The following RPA1 variants were observed in gnomAD, a reference collection of about 807,000 sequenced individuals.
RPA1 encodes replication protein A1.
Under a neutral mutation model 83.0 loss-of-function variants are expected in RPA1, and 49 were observed. The observed-to-expected ratio is 0.59, with a 90% CI of 0.47 to 0.75. The LOEUF is 0.75. Among genes scored for constraint, RPA1 ranks in the 30% least tolerant of loss-of-function variants. The pLI is 0.00. For synonymous variants in RPA1, 279 were observed against 281.8 expected, an observed-to-expected ratio of 0.99 and a Z score of 0.10; for missense variants, 693 against 776.1, an observed-to-expected ratio of 0.89 and a Z score of 1.27.
chr17:1,869,960 A>G (rs1356490813), intron 5 of RPA1, among the ~76,000 whole-genome samples: 1 of 152,130 alleles, frequency 6.6e-6, no homozygotes, highest in Non-Finnish European at 1.5e-5. Flanking sequence ...TAATTACCAG[A>G]TCTCACAACT....
At chr17:1,848,195 A>C (rs1445784123) in intron 4 of RPA1, among the ~76,000 whole-genome samples, 1 of 152,170 alleles carries the variant, frequency 6.6e-6, no homozygotes, top group Non-Finnish European at 1.5e-5. Flanking sequence ...AACCCATAGG[A>C]TTATCCACTC....
chr17:1,879,114 G>T, intron 9 of RPA1, 53 bp downstream of exon 9: 2 of 1,612,596 alleles, frequency 1.2e-6, no homozygotes, highest in South Asian at 1.1e-5. Flanking sequence ...GAGTGCGGAT[G>T]AAAAGACGCT....
chr17:1,877,825 C>G (rs1413791383), intron 8 of RPA1, among the ~76,000 whole-genome samples: 2 of 152,148 alleles, frequency 1.3e-5, no homozygotes, highest in East Asian at 3.8e-4. Flanking sequence ...TGTGCAGATT[C>G]TCTATTTGCT....
At chr17:1,870,915 A>G (rs1913354790) in intron 5 of RPA1, among the ~76,000 whole-genome samples, 1 of 152,192 alleles carries the variant, frequency 6.6e-6, no homozygotes, top group African/African-American at 2.4e-5. Flanking sequence ...TTGAATGTTT[A>G]CATCTTTATT....
Position 1,853,193 on chromosome 17 carries a change from A to G in RPA1, c.361+4A>G. The G allele has an allele frequency of 1.9e-6, 3 of 1,612,470 alleles. No individual in the cohort carries two copies. The highest frequency in any genetic ancestry group is 2.5e-6 in the Non-Finnish European group (3 of 1,178,488). ...AATCCAGTGCCCTATAATGAAGGTAAAATGCTTTGGCGTAGGTTGTAGCAC... is the reference window on the plus strand; with the variant it reads ...AATCCAGTGCCCTATAATGAAGGTAGAATGCTTTGGCGTAGGTTGTAGCAC... On this transcript the variant is annotated splice_donor_region_variant and intron_variant, in intron 5 of 16. Transcript: ENST00000254719.
chr17:1,873,799 C>G (rs1479513975), intron 6 of RPA1, among the ~76,000 whole-genome samples: 1 of 151,260 alleles, frequency 6.6e-6, no homozygotes, highest in Non-Finnish European at 1.5e-5. Flanking sequence ...GACTAGCTAG[C>G]CTGGCCAACA....
In RPA1 at chr17:1,897,691, G is replaced by A. The variant is rs1384082599; in HGVS notation, c.*516G>A. The A allele has an allele frequency of 6.3e-6, 1 of 158,766 alleles. No homozygotes were observed. The highest frequency in any genetic ancestry group is 1.4e-5 in the Non-Finnish European group (1 of 71,170). 9.8% of individuals were successfully genotyped at this position (158,766 alleles called of 1,614,324 possible). A position where few individuals can be genotyped will look rare whatever the true frequency, so the allele number is the denominator to read the frequency against. ...TCTTTCTAGAGGTGCTACATAGTTG[G>A]TAATGCTTGGAATGGCAATAGGGTA... is the stretch of plus-strand genomic sequence containing the variant. On this transcript the variant is annotated 3_prime_UTR_variant, in exon 17 of 17. Transcript: ENST00000254719.
intron 5 of RPA1, among the ~76,000 whole-genome samples, chr17:1,861,263 GC>G (rs936301452): frequency 2.6e-5 from 4 of 152,118 alleles, no homozygotes; most frequent in African/African-American, 9.7e-5. Context: ...CAGACTCTCG[GC>G]CCCCATTTCT....
At chr17:1,882,523 C>T (rs1877010678) in intron 12 of RPA1, among the ~76,000 whole-genome samples, 1 of 151,880 alleles carries the variant, frequency 6.6e-6, no homozygotes, top group Non-Finnish European at 1.5e-5. Context: ...GGCCTGTAGT[C>T]CCAGCTACTC....
intron 1 of RPA1, among the ~76,000 whole-genome samples, chr17:1,840,949 C>A (rs1259814840): frequency 6.6e-6 from 1 of 151,958 alleles, no homozygotes; most frequent in Non-Finnish European, 1.5e-5. Context: ...TGCCTGTAAC[C>A]CCAGCTACGC....
intron 5 of RPA1, chr17:1,858,280 A>G: frequency 6.2e-7 from 1 of 1,611,880 alleles, no homozygotes; most frequent in Non-Finnish European, 8.5e-7. Flanking sequence ...AGGGAGTAAC[A>G]CGGCCGACAT....
chr17:1,831,025 C>G (rs1911546448), intron 1 of RPA1, among the ~76,000 whole-genome samples: 1 of 152,138 alleles, frequency 6.6e-6, no homozygotes, highest in Non-Finnish European at 1.5e-5. Context: ...CTCGGCCTCC[C>G]AAAATGCTGG....
intron 5 of RPA1, among the ~76,000 whole-genome samples, chr17:1,856,321 G>A (rs1273812497): frequency 7.5e-6 from 1 of 133,566 alleles, no homozygotes; most frequent in East Asian, 2.2e-4. Context: ...AAAATGCCAG[G>A]TGCTGTGGCT....
At chr17:1,856,923 T>C (rs1042337523) in intron 5 of RPA1, among the ~76,000 whole-genome samples, 10 of 152,136 alleles carry the variant, frequency 6.6e-5, no homozygotes, top group African/African-American at 2.4e-4. Context: ...CTTTTGGTTT[T>C]ATTGATTTTC....
intron 5 of RPA1, among the ~76,000 whole-genome samples, chr17:1,862,972 C>CCT (rs1191988747): frequency 1.9e-4 from 29 of 151,944 alleles, no homozygotes; most frequent in Admixed American, 1.8e-3. Flanking sequence ...CCTGCCTCAG[C>CCT]CTCCCAAAGT....
intron 5 of RPA1, among the ~76,000 whole-genome samples, chr17:1,860,939 G>T (rs1423000729): frequency 6.6e-5 from 10 of 152,170 alleles, no homozygotes; most frequent in African/African-American, 1.7e-4. Context: ...GCTGCATTTA[G>T]TCTAGGTGTA....
At chr17:1,872,761 G>A (rs1913427801) in intron 6 of RPA1, among the ~76,000 whole-genome samples, 1 of 141,820 alleles carries the variant, frequency 7.1e-6, no homozygotes, top group Non-Finnish European at 1.5e-5. Flanking sequence ...CAGCGGGGCT[G>A]GAGTGCAGTG....
chr17:1,891,831 A>G lies in RPA1; in HGVS notation c.1552-2A>G, dbSNP rs1914214607. 3 of 1,561,748 alleles carry G rather than the reference A, an allele frequency of 1.9e-6. No homozygotes were observed. The highest frequency in any genetic ancestry group is 2.6e-6 in the Non-Finnish European group (3 of 1,139,172). On this transcript the variant is annotated splice_acceptor_variant, in intron 14 of 16. Transcript: ENST00000254719. LOFTEE classifies it high-confidence loss of function. ...GAAATAATGTAGAATTGTGTTTTTTAGGTAAATATTGCAGATTTTCAAGAG... is the reference window on the plus strand; with the variant it reads ...GAAATAATGTAGAATTGTGTTTTTTGGGTAAATATTGCAGATTTTCAAGAG...
In RPA1 at chr17:1,853,007, C is replaced by G; in HGVS notation, c.273-94C>G. ...AACAGATGACAAATGGAAAATAGTT[C>G]ATCACAATGATCATCGGGGAAAGCA... On this transcript the variant is annotated intron_variant, in intron 4 of 16. Transcript: ENST00000254719. 4 of 902,818 alleles carry G rather than the reference C, an allele frequency of 4.4e-6. No individual in the cohort carries two copies. The Admixed American group carries it at 7.6e-5, about 17-fold the overall frequency. The allele number at this position is 902,818 out of a possible 1,614,324, so 55.9% of individuals were successfully genotyped here. A position where few individuals can be genotyped will look rare whatever the true frequency, so the allele number is the denominator to read the frequency against.
Sources: allele counts gnomAD v4.1 joint callset (sites outside exome capture counted in the v4.1 genomes callset), GRCh38; gene constraint gnomAD v4.1.1; transcripts MANE v1.5; gene names NCBI Gene and HGNC (gene_info 2026-07-23, HGNC 2026-07-21).